The following PCDHGC3 variants were observed in gnomAD, a reference collection of about 807,000 sequenced individuals.
PCDHGC3 encodes protocadherin gamma subfamily C, 3.
Under a neutral mutation model 59.2 loss-of-function variants are expected in PCDHGC3, and 26 were observed. The observed-to-expected ratio is 0.44, with a 90% confidence interval of 0.32 to 0.61. PCDHGC3 has a LOEUF of 0.61. Ranked by LOEUF, PCDHGC3 falls within the 20% of genes least tolerant of loss-of-function variation. The pLI is 0.05. For synonymous variants in PCDHGC3, 487 were observed against 519.7 expected (o/e 0.94, Z 0.86); for missense variants, 1,080 against 1,221.8 (o/e 0.88, Z 1.73).
chr5:141,501,331 A>T (rs1024837974), intron 2 of PCDHGC3, among the ~76,000 whole-genome samples: 2 of 138,846 alleles, frequency 1.4e-5, no homozygotes, highest in Non-Finnish European at 1.6e-5. Flanking sequence ...ACACACACAC[A>T]CACCCCAAAC....
In PCDHGC3 at chr5:141,511,502, A is replaced by G. The variant is rs953158220; in HGVS notation, c.*329A>G. ...CTGAACTCCTCCATCTTCCAAATCAATCAGGCCCATCCATCCCATGCCTCC... is the reference window on the plus strand; with the variant it reads ...CTGAACTCCTCCATCTTCCAAATCAGTCAGGCCCATCCATCCCATGCCTCC... On this transcript the variant is annotated 3_prime_UTR_variant, in exon 4 of 4. Transcript: ENST00000308177. The G allele has an allele frequency of 1.3e-5, 5 of 395,150 alleles. No homozygotes were observed. Among genetic ancestry groups the G allele is most frequent in the African/African-American group, 1.0e-4 (5 of 48,770 alleles). The allele number at this position is 395,150 out of a possible 1,614,324, so 24.5% of individuals were successfully genotyped here.
chr5:141,478,685 A>G, intron 1 of PCDHGC3, 139 bp downstream of exon 1: 3 of 1,551,308 alleles, frequency 1.9e-6, no homozygotes, highest in Non-Finnish European at 2.6e-6. Context: ...GGCCCTTCCT[A>G]GATCAAAGTT....
intron 1 of PCDHGC3, among the ~76,000 whole-genome samples, chr5:141,479,965 T>C (rs2099510479): frequency 6.6e-6 from 1 of 152,234 alleles, no homozygotes; most frequent in East Asian, 1.9e-4. Context: ...GTTAGTCAAA[T>C]GAGGTTCTAC....
chr5:141,491,980 C>T lies in PCDHGC3; in HGVS notation c.2431-2827C>T. ...AAAAAAGGCCGGGGCCTCCTTCGAG[C>T]TTCCGGTGAATTTCGGGCGATTTCC... On this transcript the variant is annotated intron_variant, in intron 1 of 3. Transcript: ENST00000308177. The surrounding 1 kb of genome is among the most constrained non-coding windows in gnomAD (Gnocchi z 6.9). The T allele has an allele frequency of 2.5e-6, 2 of 784,432 alleles. No individual in the cohort carries two copies. The highest frequency in any genetic ancestry group is 3.8e-6 in the Non-Finnish European group (2 of 530,588). 48.6% of individuals were successfully genotyped at this position (784,432 alleles called of 1,614,324 possible). A position where few individuals can be genotyped will look rare whatever the true frequency, so the allele number is the denominator to read the frequency against.
Position 141,511,315 on chromosome 5 carries a change from G to A in PCDHGC3, c.*142G>A. ...AAGGCCATGCTCCCCTTGGGAAACA[G>A]AAACAAGTGCCCAGTCAGCACCTAC... On this transcript the variant is annotated 3_prime_UTR_variant, in exon 4 of 4. Coordinates refer to ENST00000308177, the MANE Select transcript of PCDHGC3 (RefSeq NM_002588.4). 6.8e-7 allele frequency: 1 copy of A among 1,481,384 alleles called. No individual in the cohort carries two copies. Among genetic ancestry groups the A allele is most frequent in the Non-Finnish European group, 9.0e-7 (1 of 1,110,974 alleles). 91.8% of individuals were successfully genotyped at this position (1,481,384 alleles called of 1,614,324 possible).
At position 141,485,149 on chromosome 5, in the gene PCDHGC3, A is replaced by G; in HGVS notation, c.2430+6603A>G. 6.3e-7 allele frequency: 1 copy of G among 1,578,106 alleles called. No individual in the cohort carries two copies. Among genetic ancestry groups the G allele is most frequent in the South Asian group, 1.1e-5 (1 of 89,070 alleles). ...CGGCTTCATCCGCGTCTCAGGAGCA[A>G]GTAGAGAATTAGCGGGCGGCAGCAA... On this transcript the variant is annotated intron_variant, in intron 1 of 3. Transcript: ENST00000308177. This position sits in a 1 kb window ranked among gnomAD's most constrained non-coding sequence, Gnocchi z 5.7.
intron 2 of PCDHGC3, among the ~76,000 whole-genome samples, chr5:141,499,112 A>G (rs550424495): frequency 6.6e-6 from 1 of 152,238 alleles, no homozygotes; most frequent in African/African-American, 2.4e-5. Context: ...CCCCACCACT[A>G]TCCCTTCTCA....
intron 1 of PCDHGC3, among the ~76,000 whole-genome samples, chr5:141,479,129 C>T (rs2099488562): frequency 6.6e-6 from 1 of 152,154 alleles, no homozygotes; most frequent in South Asian, 2.1e-4. Context: ...AAATGATGTG[C>T]ACCCTGCTTA....
Position 141,511,375 on chromosome 5 carries a change from A to G in PCDHGC3, c.*202A>G. 2 of 1,236,730 alleles carry G rather than the reference A, an allele frequency of 1.6e-6. No individual in the cohort carries two copies. The highest frequency in any genetic ancestry group is 2.2e-6 in the Non-Finnish European group (2 of 912,840). 76.6% of individuals were successfully genotyped at this position (1,236,730 alleles called of 1,614,324 possible). A position where few individuals can be genotyped will look rare whatever the true frequency, so the allele number is the denominator to read the frequency against. On this transcript the variant is annotated 3_prime_UTR_variant, in exon 4 of 4. Coordinates refer to ENST00000308177, the MANE Select transcript of PCDHGC3 (RefSeq NM_002588.4). ...CCCAGGGGGTTGAATATGCAAAAGCAGTTCCGCTGGGAACCCCCATCCAAT... is the reference window on the plus strand; with the variant it reads ...CCCAGGGGGTTGAATATGCAAAAGCGGTTCCGCTGGGAACCCCCATCCAAT...
rs1184232947 is a variant in PCDHGC3 at position 141,487,060 on chromosome 5, G to T, written c.2431-7747G>T. ...TCTCTCGATATGCTGGGGAGGTGCG[G>T]ACGGCTGTTCCTATCCCAGCTGACC... On this transcript the variant is annotated intron_variant, in intron 1 of 3. Transcript: ENST00000308177. This position sits in a 1 kb window ranked among gnomAD's most constrained non-coding sequence, Gnocchi z 5.0. The T allele has an allele frequency of 1.9e-6, 3 of 1,614,182 alleles. No individual in the cohort carries two copies. In the East Asian group the frequency reaches 6.7e-5, roughly 36 times the overall value.
intron 2 of PCDHGC3, among the ~76,000 whole-genome samples, chr5:141,502,337 T>C (rs1562205634): frequency 6.6e-6 from 1 of 152,184 alleles, no homozygotes; most frequent in Admixed American, 6.5e-5. Flanking sequence ...CCCAGTCTTT[T>C]TATTTTTTTA....
At chr5:141,501,402 G>T (rs527659990) in intron 2 of PCDHGC3, among the ~76,000 whole-genome samples, 1 of 151,622 alleles carries the variant, frequency 6.6e-6, no homozygotes, top group African/African-American at 2.4e-5. Context: ...ACAGGCCACT[G>T]CTTGGAAAAT....
In PCDHGC3 at chr5:141,477,017, A is replaced by G; in HGVS notation, c.901A>G (p.Thr301Ala). 2 of 1,614,220 alleles carry G rather than the reference A, an allele frequency of 1.2e-6. No homozygotes were observed. The highest frequency in any genetic ancestry group is 2.2e-5 in the East Asian group (1 of 44,868). ...VRQLFALDLVTGMLTIKGRLD... is the reference protein window; with the variant it reads ...VRQLFALDLVAGMLTIKGRLD... ...GCAACTATTCGCCTTAGACCTTGTA[A>G]CCGGGATGCTGACAATCAAGGGTCG... Residue 301 changes from threonine to alanine, a missense_variant, in exon 1 of 4, where the codon ACC (threonine) becomes GCC (alanine). Thr to Ala is a moderately conservative substitution (Grantham distance 58). Coordinates refer to ENST00000308177, the MANE Select transcript of PCDHGC3 (RefSeq NM_002588.4). This position sits in a 1 kb window ranked among gnomAD's most constrained non-coding sequence, Gnocchi z 4.9.
chr5:141,484,242 A>G (rs995022030), intron 1 of PCDHGC3, among the ~76,000 whole-genome samples: 1 of 152,216 alleles, frequency 6.6e-6, no homozygotes, highest in African/African-American at 2.4e-5. Flanking sequence ...TCTGGTCCTT[A>G]GCACCTCCCA....
In PCDHGC3 at chr5:141,490,274, A is replaced by G. The variant is rs1285515971; in HGVS notation, c.2431-4533A>G. The G allele has an allele frequency of 6.2e-7, 1 of 1,614,228 alleles. No individual in the cohort carries two copies. Among genetic ancestry groups the G allele is most frequent in the Non-Finnish European group, 8.5e-7 (1 of 1,180,038 alleles). On this transcript the variant is annotated intron_variant, in intron 1 of 3. Transcript: ENST00000308177. This position sits in a 1 kb window ranked among gnomAD's most constrained non-coding sequence, Gnocchi z 5.4. ...CAAGTGGATGTGGGGGATGTCAATGACAATGCCCCAGAGGTGCTATTGGCC... is the reference window on the plus strand; with the variant it reads ...CAAGTGGATGTGGGGGATGTCAATGGCAATGCCCCAGAGGTGCTATTGGCC...
chr5:141,485,185 G>C lies in PCDHGC3; in HGVS notation c.2430+6639G>C. On this transcript the variant is annotated intron_variant, in intron 1 of 3. Transcript: ENST00000308177. This position sits in a 1 kb window ranked among gnomAD's most constrained non-coding sequence, Gnocchi z 5.7. ...AGCGGGCGGCAGCAATGCTCCGCAA[G>C]GTGAGAAGCTGGACAGAAATCTGGC... 6.2e-7 allele frequency: 1 copy of C among 1,613,528 alleles called. No homozygotes were observed. Among genetic ancestry groups the C allele is most frequent in the Non-Finnish European group, 8.5e-7 (1 of 1,179,492 alleles).
In PCDHGC3 at chr5:141,476,762, G is replaced by A. The variant is rs1338892879; in HGVS notation, c.646G>A (p.Ala216Thr). The A allele has an allele frequency of 6.2e-7, 1 of 1,613,848 alleles. No individual in the cohort carries two copies. ...GCCTAGTCTCCAGTTAGTGCTGACG[G>A]CGTTGGACGGAGGGACCCCAGCTCT... ...REPSLQLVLTALDGGTPALSA... is the reference protein window; with the variant it reads ...REPSLQLVLTTLDGGTPALSA... Residue 216 changes from alanine to threonine, a missense_variant, in exon 1 of 4, where the codon GCG becomes ACG. By Grantham distance (58) the Ala-to-Thr change is moderately conservative (BLOSUM62 0). Coordinates refer to ENST00000308177, the MANE Select transcript of PCDHGC3 (RefSeq NM_002588.4). The surrounding 1 kb of genome is among the most constrained non-coding windows in gnomAD (Gnocchi z 7.6).
At position 141,490,870 on chromosome 5, in the gene PCDHGC3, T is replaced by C; in HGVS notation, c.2431-3937T>C. Reference sequence around the variant, plus strand: ...GGTTCGAGACTCCGGCTCTCCCCCATTGCATGCCAACACATCTCTGCATGT... The same window carrying C: ...GGTTCGAGACTCCGGCTCTCCCCCACTGCATGCCAACACATCTCTGCATGT... On this transcript the variant is annotated intron_variant, in intron 1 of 3. Coordinates refer to ENST00000308177, the MANE Select transcript of PCDHGC3 (RefSeq NM_002588.4). The surrounding 1 kb of genome is among the most constrained non-coding windows in gnomAD (Gnocchi z 5.4). 6.2e-7 allele frequency: 1 copy of C among 1,613,888 alleles called. No homozygotes were observed. Among genetic ancestry groups the C allele is most frequent in the Non-Finnish European group, 8.5e-7 (1 of 1,179,932 alleles).
In PCDHGC3 at chr5:141,477,013, T is replaced by A. The variant is rs1285961519; in HGVS notation, c.897T>A (p.Leu299=). Residue 299 remains leucine (L), a synonymous_variant, in exon 1 of 4, where the codon CTT becomes CTA. Coordinates refer to ENST00000308177, the MANE Select transcript of PCDHGC3 (RefSeq NM_002588.4). This position sits in a 1 kb window ranked among gnomAD's most constrained non-coding sequence, Gnocchi z 4.9. ...AGVRQLFALD[L]VTGMLTIKGR... is the part of the protein sequence containing the mutation. ...TGCGGCAACTATTCGCCTTAGACCT[T>A]GTAACCGGGATGCTGACAATCAAGG... is the stretch of plus-strand genomic sequence containing the variant. 6.2e-7 allele frequency: 1 copy of A among 1,614,204 alleles called. No individual in the cohort carries two copies. The highest frequency in any genetic ancestry group is 2.2e-5 in the East Asian group (1 of 44,878).
Sources: allele counts gnomAD v4.1 joint callset (sites outside exome capture counted in the v4.1 genomes callset), GRCh38; gene constraint gnomAD v4.1.1; non-coding constraint Gnocchi (gnomAD v3.1); transcripts MANE v1.5; gene names NCBI Gene and HGNC (gene_info 2026-07-23, HGNC 2026-07-21).